Variants in SEMA6D observed in about 807,000 individuals in gnomAD.
The protein encoded by SEMA6D is semaphorin 6D, also known as semaphorin-6D.
SEMA6D carries 35 observed loss-of-function variants against 106.6 expected under a neutral mutation model. The observed-to-expected ratio is 0.33, with a 90% CI of 0.25 to 0.44. SEMA6D has a LOEUF of 0.44. SEMA6D is among the 20% of genes least tolerant of loss of function. The pLI, the probability that SEMA6D is intolerant of heterozygous loss-of-function variation, is 1.00. For synonymous variants in SEMA6D, 499 were observed against 487.7 expected, an observed-to-expected ratio of 1.02 and a Z score of -0.31; for missense variants, 1,185 against 1,345.9, an observed-to-expected ratio of 0.88 and a Z score of 1.87.
chr15:47,493,862 A>T (rs1254296825), intron 3 of SEMA6D, among the ~76,000 whole-genome samples: 1 of 152,268 alleles, frequency 6.6e-6, no homozygotes, highest in South Asian at 2.1e-4. Context: ...TGGAAAGTGC[A>T]TTGGAGTTCT....
chr15:47,365,874 AAGAGAGAGAGAGAGAGGAGAGAGAG>A (rs2038993783), intron 1 of SEMA6D, among the ~76,000 whole-genome samples: 1 of 127,794 alleles, frequency 7.8e-6, no homozygotes, highest in Non-Finnish European at 1.6e-5. Flanking sequence ...GAAAGAAAGA[AAGAGAGAGAGAGAGAGGAGAGAGAG>A]AGAGAGAGAG....
chr15:47,545,701 G>A (rs1026792826), intron 3 of SEMA6D, among the ~76,000 whole-genome samples: 1 of 152,090 alleles, frequency 6.6e-6, no homozygotes, highest in Non-Finnish European at 1.5e-5. Flanking sequence ...TTTCCCTCAT[G>A]TATTTCGTGA....
chr15:47,364,069 G>A (rs897917234), intron 1 of SEMA6D, among the ~76,000 whole-genome samples: 1 of 152,124 alleles, frequency 6.6e-6, no homozygotes, highest in Non-Finnish European at 1.5e-5. Context: ...TGAGATTTGG[G>A]TGGGGACACA....
intron 1 of SEMA6D, among the ~76,000 whole-genome samples, chr15:47,728,461 C>G (rs1178224757): frequency 1.6e-4 from 24 of 152,096 alleles, no homozygotes; most frequent in Admixed American, 1.6e-3. Context: ...TAATCTGTGC[C>G]AAGCACTGAA....
chr15:47,619,267 G>C (rs1464553507), intron 4 of SEMA6D, among the ~76,000 whole-genome samples: 1 of 152,210 alleles, frequency 6.6e-6, no homozygotes. Context: ...TGTGTTGGTT[G>C]AGTGGTGGAG....
intron 2 of SEMA6D, among the ~76,000 whole-genome samples, chr15:47,435,122 A>G (rs1240663135): frequency 2.0e-5 from 3 of 152,140 alleles, no homozygotes; most frequent in Non-Finnish European, 4.4e-5. Flanking sequence ...CTATATTTTA[A>G]CTTATTCTTC....
intron 1 of SEMA6D, among the ~76,000 whole-genome samples, chr15:47,326,683 CTTGG>C (rs1217780315): frequency 6.6e-6 from 1 of 152,160 alleles, no homozygotes; most frequent in Non-Finnish European, 1.5e-5. Context: ...TTTGTAACAT[CTTGG>C]CTGTTAAGCA....
At chr15:47,670,166 T>G (rs1401500067) in intron 4 of SEMA6D, among the ~76,000 whole-genome samples, 1 of 152,182 alleles carries the variant, frequency 6.6e-6, no homozygotes, top group Non-Finnish European at 1.5e-5. Context: ...ATAGAATTAG[T>G]CAGTCCCTTC....
At chr15:47,517,780 C>A (rs1221504364) in intron 3 of SEMA6D, among the ~76,000 whole-genome samples, 1 of 152,144 alleles carries the variant, frequency 6.6e-6, no homozygotes, top group East Asian at 1.9e-4. Flanking sequence ...CTTTTTATAA[C>A]CCTCGATAGA....
At chr15:47,232,526 G>GGTGTGTGTGTGTGTGTGT (rs60261871) in intron 1 of SEMA6D, among the ~76,000 whole-genome samples, 145 of 148,142 alleles carry the variant, frequency 9.8e-4, no homozygotes, top group Middle Eastern at 7.0e-3. Flanking sequence ...ATGGGGGGAG[G>GGTGTGTGTGTGTGTGTGT]GTGTGTGTGT....
Position 47,764,788 on chromosome 15 carries a change from G to T in SEMA6D, c.1248G>T (p.Arg416=). 6.2e-7 allele frequency: 1 copy of T among 1,613,890 alleles called. No individual in the cohort carries two copies. Among genetic ancestry groups the T allele is most frequent in the Non-Finnish European group, 8.5e-7 (1 of 1,179,872 alleles). ...ATGAGCCCTGGTTCACAAAGACTCG[G>T]GTCAGGTGAGATTGTGTGTGAAACA... ...IADEPWFTKT[R]VRYRLTAISV... is the part of the protein sequence containing the mutation. The change falls in exon 12 of 19, where the codon CGG becomes CGT. Residue 416 remains arginine, a synonymous_variant. Coordinates refer to ENST00000536845, the MANE Select transcript of SEMA6D (RefSeq NM_001358351.3).
intron 4 of SEMA6D, among the ~76,000 whole-genome samples, chr15:47,612,667 G>A (rs1192961996): frequency 6.6e-6 from 1 of 152,156 alleles, no homozygotes; most frequent in Admixed American, 6.5e-5. Flanking sequence ...GAGAGAAAGG[G>A]CTCAATGAAC....
At chr15:47,197,902 A>G (rs968696212) in intron 1 of SEMA6D, among the ~76,000 whole-genome samples, 19 of 151,984 alleles carry the variant, frequency 1.3e-4, no homozygotes, top group Non-Finnish European at 2.1e-4. Context: ...TTTCTGTGTC[A>G]TATTTGTAAA....
intron 1 of SEMA6D, among the ~76,000 whole-genome samples, chr15:47,204,525 G>A (rs1029078910): frequency 6.6e-6 from 1 of 152,082 alleles, no homozygotes; most frequent in Non-Finnish European, 1.5e-5. Flanking sequence ...TTGAGGTCTG[G>A]ATTGAATTGA....
chr15:47,227,662 A>G (rs1227360066), intron 1 of SEMA6D, among the ~76,000 whole-genome samples: 2 of 150,216 alleles, frequency 1.3e-5, no homozygotes, highest in Non-Finnish European at 3.0e-5. Context: ...TAAAAGGTAG[A>G]TATCTGCACT....
At chr15:47,493,142 G>T (rs1371978511) in intron 3 of SEMA6D, among the ~76,000 whole-genome samples, 1 of 152,148 alleles carries the variant, frequency 6.6e-6, no homozygotes, top group South Asian at 2.1e-4. Flanking sequence ...GTCCGCTAAA[G>T]GTCCCCATAG....
intron 1 of SEMA6D, among the ~76,000 whole-genome samples, chr15:47,410,287 C>T (rs951445855): frequency 4.9e-4 from 74 of 152,140 alleles, no homozygotes; most frequent in African/African-American, 1.7e-3. Flanking sequence ...CTGGCTAGAA[C>T]GTTTTTATAT....
intron 4 of SEMA6D, among the ~76,000 whole-genome samples, chr15:47,691,301 C>T (rs1488862019): frequency 3.9e-5 from 6 of 152,090 alleles, no homozygotes; most frequent in African/African-American, 1.4e-4. Flanking sequence ...CACTTTGTCC[C>T]TCTGGGCTTG....
At chr15:47,242,474 G>A (rs979981584) in intron 1 of SEMA6D, among the ~76,000 whole-genome samples, 3 of 152,080 alleles carry the variant, frequency 2.0e-5, no homozygotes, top group South Asian at 2.1e-4. Flanking sequence ...TTGTAGACCT[G>A]GGTCAGGCTC....
Sources: gnomAD v4.1 joint callset for allele counts (sites outside exome capture counted in the v4.1 genomes callset) on GRCh38, gnomAD v4.1.1 for gene constraint, MANE v1.5 for transcripts, NCBI Gene and HGNC (gene_info 2026-07-23, HGNC 2026-07-21) for gene names.